Variants in TMEM132B observed in about 807,000 individuals in gnomAD.
The protein encoded by TMEM132B is transmembrane protein 132B.
A neutral mutation model predicts 90.8 loss-of-function variants in TMEM132B; 18 were observed. The observed-to-expected ratio is 0.20, with a 90% CI of 0.14 to 0.29. TMEM132B has a LOEUF of 0.29. Among genes scored for constraint, TMEM132B ranks in the 10% least tolerant of loss-of-function variants. The pLI is 1.00. For synonymous variants in TMEM132B, 504 were observed against 523.3 expected (o/e 0.96, Z 0.50); for missense variants, 1,096 against 1,326.8 (o/e 0.83, Z 2.70).
intron 3 of TMEM132B, among the ~76,000 whole-genome samples, chr12:125,507,175 A>G (rs1056647791): frequency 6.6e-6 from 1 of 152,230 alleles, no homozygotes; most frequent in African/African-American, 2.4e-5. Context: ...ATGACAATCT[A>G]GGAAAGCCAA....
chr12:125,251,420 A>C lies in TMEM132B; in HGVS notation c.67+64554A>C, dbSNP rs1485368320. ...GATGGAGTCATACTTAGGTTCAGCT[A>C]TATGAGCCTTTAAACCAGGGATTGC... On this transcript the variant is annotated intron_variant, in intron 1 of 8. Coordinates refer to ENST00000682704, the MANE Select transcript of TMEM132B (RefSeq NM_001366854.1). The surrounding 1 kb of genome is among the most constrained non-coding windows in gnomAD (Gnocchi z 4.4). 6.6e-6 allele frequency among the ~76,000 whole-genome samples: 1 copy of C among 152,218 alleles called. No individual in the cohort carries two copies. Among genetic ancestry groups the C allele is most frequent in the Admixed American group, 6.5e-5 (1 of 15,276 alleles).
chr12:125,331,715 C>T (rs1876779244), intron 1 of TMEM132B, among the ~76,000 whole-genome samples: 1 of 152,110 alleles, frequency 6.6e-6, no homozygotes, highest in Non-Finnish European at 1.5e-5. Flanking sequence ...TCTGTGCCTT[C>T]GTTTTTGAAT....
intron 6 of TMEM132B, among the ~76,000 whole-genome samples, chr12:125,645,204 C>G (rs1011060297): frequency 3.2e-5 from 4 of 125,006 alleles, no homozygotes; most frequent in Non-Finnish European, 4.7e-5. Flanking sequence ...GGTGACAGAG[C>G]GAGACTCCGT....
intron 3 of TMEM132B, among the ~76,000 whole-genome samples, chr12:125,447,254 A>G (rs1437432567): frequency 6.7e-6 from 1 of 149,950 alleles, no homozygotes; most frequent in Non-Finnish European, 1.5e-5. Flanking sequence ...TCCCTTGTTT[A>G]CTCCTATTCT....
At chr12:125,484,690 G>A (rs1382453024) in intron 3 of TMEM132B, among the ~76,000 whole-genome samples, 1 of 152,096 alleles carries the variant, frequency 6.6e-6, no homozygotes, top group Non-Finnish European at 1.5e-5. Flanking sequence ...GAGTGCAGCG[G>A]TGTGATCATA....
intron 3 of TMEM132B, among the ~76,000 whole-genome samples, chr12:125,502,004 G>A (rs1882710879): frequency 6.6e-6 from 1 of 152,186 alleles, no homozygotes; most frequent in Non-Finnish European, 1.5e-5. Flanking sequence ...ATCTGCATGA[G>A]TGTGTGTGTG....
intron 2 of TMEM132B, among the ~76,000 whole-genome samples, chr12:125,369,002 C>T (rs1878215210): frequency 1.3e-5 from 2 of 151,996 alleles, no homozygotes; most frequent in Admixed American, 1.3e-4. Flanking sequence ...GGTATATCTC[C>T]TAATGCTATC....
intron 1 of TMEM132B, among the ~76,000 whole-genome samples, chr12:125,307,727 G>A (rs199778144): frequency 2.2e-4 from 1 of 4,630 alleles, no homozygotes; most frequent in Admixed American, 2.1e-3. Context: ...TCATGTCTAT[G>A]TGTATACTTG....
At chr12:125,190,674 GAT>G (rs1269265657) in intron 1 of TMEM132B, among the ~76,000 whole-genome samples, 1 of 31,462 alleles carries the variant, frequency 3.2e-5, no homozygotes. Flanking sequence ...AAGGGGTGGT[GAT>G]GGGGAAGGGG....
chr12:125,353,907 C>CT (rs1001197319), intron 2 of TMEM132B, among the ~76,000 whole-genome samples: 7 of 152,240 alleles, frequency 4.6e-5, no homozygotes, highest in African/African-American at 1.4e-4. Flanking sequence ...AGGTATTTTT[C>CT]TTTTTTCCCT....
chr12:125,281,603 T>C (rs1457461366), intron 1 of TMEM132B, among the ~76,000 whole-genome samples: 1 of 152,272 alleles, frequency 6.6e-6, no homozygotes, highest in East Asian at 1.9e-4. Flanking sequence ...TAGCGTAATA[T>C]TGGGCACACA....
intron 4 of TMEM132B, among the ~76,000 whole-genome samples, chr12:125,575,295 T>C (rs887112454): frequency 6.6e-6 from 1 of 151,488 alleles, no homozygotes; most frequent in African/African-American, 2.4e-5. Flanking sequence ...CTCTTTTTGG[T>C]TTACATTTCC....
chr12:125,278,933 C>T (rs184842114), intron 1 of TMEM132B, among the ~76,000 whole-genome samples: 36 of 152,292 alleles, frequency 2.4e-4, no homozygotes, highest in African/African-American at 7.7e-4. Flanking sequence ...TTGGATGTAA[C>T]CCAGCGAGGG....
intron 1 of TMEM132B, among the ~76,000 whole-genome samples, chr12:125,215,337 G>A (rs997550025): frequency 6.6e-6 from 1 of 152,122 alleles, no homozygotes; most frequent in Non-Finnish European, 1.5e-5. Flanking sequence ...GCTAAAATCA[G>A]GGTGTCAGCA....
chr12:125,502,818 A>G (rs1028904975), intron 3 of TMEM132B, among the ~76,000 whole-genome samples: 7 of 152,232 alleles, frequency 4.6e-5, no homozygotes, highest in Non-Finnish European at 8.8e-5. Flanking sequence ...ATATATCATA[A>G]TCCATAACTT....
rs1879527927 is a variant in TMEM132B at position 125,407,379 on chromosome 12, G to A, written c.960-8152G>A. ...GAGTGGAGTATTTAGTTCAAAAGTGGCTGGTCTAAGTAGAAGACAGAAAGA... is the reference window on the plus strand; with the variant it reads ...GAGTGGAGTATTTAGTTCAAAAGTGACTGGTCTAAGTAGAAGACAGAAAGA... On this transcript the variant is annotated intron_variant, in intron 2 of 8. Coordinates refer to ENST00000682704, the MANE Select transcript of TMEM132B (RefSeq NM_001366854.1). The surrounding 1 kb of genome is among the most constrained non-coding windows in gnomAD (Gnocchi z 6.7). Among the ~76,000 whole-genome samples the A allele has an allele frequency of 6.6e-6, 1 of 152,200 alleles. No homozygotes were observed. Among genetic ancestry groups the A allele is most frequent in the Admixed American group, 6.5e-5 (1 of 15,284 alleles).
At chr12:125,480,905 T>A (rs1461233048) in intron 3 of TMEM132B, among the ~76,000 whole-genome samples, 2 of 151,462 alleles carry the variant, frequency 1.3e-5, no homozygotes, top group Non-Finnish European at 2.9e-5. Flanking sequence ...AAGAAGCTTA[T>A]CCACCAAGAT....
chr12:125,444,500 T>C (rs1456326082), intron 3 of TMEM132B, among the ~76,000 whole-genome samples: 1 of 152,228 alleles, frequency 6.6e-6, no homozygotes, highest in African/African-American at 2.4e-5. Flanking sequence ...GTAAGGTTGT[T>C]TCTAAATATT....
At chr12:125,539,778 T>A (rs1421662417) in intron 4 of TMEM132B, among the ~76,000 whole-genome samples, 1 of 152,244 alleles carries the variant, frequency 6.6e-6, no homozygotes, top group Admixed American at 6.5e-5. Context: ...TTTTATCAAT[T>A]TTAATAATGA....
Sources: gnomAD v4.1 joint callset for allele counts (sites outside exome capture counted in the v4.1 genomes callset) on GRCh38, gnomAD v4.1.1 for gene constraint, Gnocchi (gnomAD v3.1) non-coding constraint, MANE v1.5 for transcripts, NCBI Gene and HGNC (gene_info 2026-07-23, HGNC 2026-07-21) for gene names.